Variants in RASGRP2 observed in about 807,000 individuals in gnomAD.
RASGRP2 encodes the protein RAS guanyl-releasing protein 2.
A neutral mutation model predicts 71.0 loss-of-function variants in RASGRP2; 44 were observed. That is an observed-to-expected ratio of 0.62 (90% CI 0.49 to 0.80). The LOEUF (loss-of-function observed/expected upper bound fraction) is 0.80, where lower values mean the gene tolerates loss of function less well. Among genes scored for constraint, RASGRP2 ranks in the 30% least tolerant of loss-of-function variants. The pLI, the probability that RASGRP2 is intolerant of heterozygous loss-of-function variation, is 0.00. For missense variants in RASGRP2, 663 were observed against 813.4 expected (o/e 0.82, Z 2.25); for synonymous variants, 350 against 330.7 (o/e 1.06, Z -0.63).
rs2058216082 is a variant in RASGRP2 at position 64,743,611 on chromosome 11, C to T, written c.-72+392G>A. On this transcript the variant is annotated intron_variant, in intron 1 of 16. Transcript: ENST00000394432. This position sits in a 1 kb window ranked among gnomAD's most constrained non-coding sequence, Gnocchi z 4.9. Reference sequence around the variant, plus strand: ...GAACTGAGCGCTCCCAGGCCACCTCCGCAAAGGTCCCAGGGGTCCCGGCTC... The same window carrying T: ...GAACTGAGCGCTCCCAGGCCACCTCTGCAAAGGTCCCAGGGGTCCCGGCTC... 5.1e-6 allele frequency: 2 copies of T among 395,922 alleles called. No homozygotes were observed. The highest frequency in any genetic ancestry group is 2.1e-5 in the African/African-American group (1 of 46,522). 24.5% of individuals were successfully genotyped at this position (395,922 alleles called of 1,614,324 possible). A position where few individuals can be genotyped will look rare whatever the true frequency, so the allele number is the denominator to read the frequency against.
chr11:64,737,271 G>A, intron 8 of RASGRP2: 1 of 568,270 alleles, frequency 1.8e-6, no homozygotes. Context: ...CCTGGATGCA[G>A]GGAATCATCA....
Position 64,735,431 on chromosome 11 carries a change from C to T in RASGRP2, c.1296+111G>A, listed in dbSNP as rs1032242975. 1 of 1,584,986 alleles carries T rather than the reference C, an allele frequency of 6.3e-7. No individual in the cohort carries two copies. The highest frequency in any genetic ancestry group is 8.6e-7 in the Non-Finnish European group (1 of 1,161,878). ...AGCTGGCCTGCCAGGCCCTGTGACT[C>T]CTAGGGGCTGAGTGCTGGGTCTTGA... On this transcript the variant is annotated intron_variant, in intron 11 of 16. Transcript: ENST00000394432. This position sits in a 1 kb window ranked among gnomAD's most constrained non-coding sequence, Gnocchi z 4.2.
rs764029199 is a variant in RASGRP2 at position 64,735,263 on chromosome 11, G to C, written c.1297-36C>G. On this transcript the variant is annotated intron_variant, in intron 11 of 16. Transcript: ENST00000394432. This position sits in a 1 kb window ranked among gnomAD's most constrained non-coding sequence, Gnocchi z 4.2. ...CAGAGGGACACGCAGAGCCAGAAGA[G>C]GGGAGAGTAAAGGGGACATCAGGTC... is the stretch of plus-strand genomic sequence containing the variant. 1.9e-6 allele frequency: 3 copies of C among 1,544,122 alleles called. No homozygotes were observed. Among genetic ancestry groups the C allele is most frequent in the South Asian group, 2.2e-5 (2 of 89,582 alleles).
At position 64,741,994 on chromosome 11, in the gene RASGRP2, G is replaced by A; in HGVS notation, c.176+16C>T. ...GCTCCGACGGCGGGGGCCTTGGCAA[G>A]GCCGGCGAAGGATATATGTGGAGCA... On this transcript the variant is annotated intron_variant, in intron 3 of 16. Transcript: ENST00000394432. 6.3e-7 allele frequency: 1 copy of A among 1,597,858 alleles called. No individual in the cohort carries two copies. Among genetic ancestry groups the A allele is most frequent in the Non-Finnish European group, 8.5e-7 (1 of 1,172,176 alleles).
Position 64,741,141 on chromosome 11 carries a change from G to A in RASGRP2, c.240-62C>T. 1.3e-6 allele frequency: 2 copies of A among 1,587,332 alleles called. 1 individual carries two copies. Among genetic ancestry groups the A allele is most frequent in the South Asian group, 2.3e-5 (2 of 88,662 alleles). On this transcript the variant is annotated intron_variant, in intron 4 of 16. Transcript: ENST00000394432. ...CCCACCATCACCCAGCAGGCTGCAA[G>A]GAGCTATTTGAGATTATAGTCACCT... is the stretch of plus-strand genomic sequence containing the variant.
At position 64,735,467 on chromosome 11, in the gene RASGRP2, C is replaced by T. The variant is rs191016351; in HGVS notation, c.1296+75G>A. On this transcript the variant is annotated intron_variant, in intron 11 of 16. Transcript: ENST00000394432. This position sits in a 1 kb window ranked among gnomAD's most constrained non-coding sequence, Gnocchi z 4.2. ...AGTGCTGGGTCTTGAACAGGACACT[C>T]GTGCTGGCTTCCAGGGCAGTGCTCC... is the stretch of plus-strand genomic sequence containing the variant. The T allele has an allele frequency of 6.6e-5, 106 of 1,607,926 alleles. 1 individual carries two copies. The South Asian group carries it at 8.9e-4, about 14-fold the overall frequency.
In RASGRP2 at chr11:64,730,161, G is replaced by T. The variant is rs1404749429; in HGVS notation, c.1446C>A (p.Ser482=). 6.4e-7 allele frequency: 1 copy of T among 1,551,656 alleles called. No homozygotes were observed. The highest frequency in any genetic ancestry group is 2.0e-5 in the Admixed American group (1 of 51,012). The change falls in exon 13 of 17, where the codon TCC becomes TCA. Residue 482 remains serine, a synonymous_variant. Coordinates refer to ENST00000394432, the MANE Select transcript of RASGRP2 (RefSeq NM_001098671.2). ...ACACAGAGCTGGAGCGCAGGAAATAGGAAACCATCTCCTCCCTGCTGATGC... is the reference window on the plus strand; with the variant it reads ...ACACAGAGCTGGAGCGCAGGAAATATGAAACCATCTCCTCCCTGCTGATGC... The part of the protein sequence containing the change: ...DGCISREEMV[S]YFLRSSSVLG...
At chr11:64,729,341 G>T (rs563844732) in intron 14 of RASGRP2, among the ~76,000 whole-genome samples, 326 of 14,098 alleles carry the variant, frequency 0.023, no homozygotes, top group African/African-American at 0.026. Context: ...GGGTTTTTTT[G>T]TTGTTTTTTT....
At chr11:64,728,798 G>A (rs536889882) in intron 15 of RASGRP2, 65 bp downstream of exon 15, 43 of 1,447,912 alleles carry the variant, frequency 3.0e-5, no homozygotes, top group Admixed American at 2.3e-4. Context: ...TCCATCCTGC[G>A]TTCTTTGCCC....
chr11:64,743,741 G>T lies in RASGRP2; in HGVS notation c.-72+262C>A. The T allele has an allele frequency of 3.1e-6, 1 of 318,134 alleles. No individual in the cohort carries two copies. The highest frequency in any genetic ancestry group is 6.1e-6 in the Non-Finnish European group (1 of 163,006). The allele number at this position is 318,134 out of a possible 1,614,324, so 19.7% of individuals were successfully genotyped here. On this transcript the variant is annotated intron_variant, in intron 1 of 16. Coordinates refer to ENST00000394432, the MANE Select transcript of RASGRP2 (RefSeq NM_001098671.2). The surrounding 1 kb of genome is among the most constrained non-coding windows in gnomAD (Gnocchi z 4.9). ...CGCACGGAGCAGGGTGTCCAGAGGGGGGCGCTCGCGCCAAGGGTGGCCGGT... is the reference window on the plus strand; with the variant it reads ...CGCACGGAGCAGGGTGTCCAGAGGGTGGCGCTCGCGCCAAGGGTGGCCGGT...
chr11:64,739,179 C>G lies in RASGRP2; in HGVS notation c.813+181G>C, dbSNP rs1029329158. On this transcript the variant is annotated intron_variant, in intron 8 of 16. Transcript: ENST00000394432. This position sits in a 1 kb window ranked among gnomAD's most constrained non-coding sequence, Gnocchi z 4.2. Reference sequence around the variant, plus strand: ...AAAGTACTAGCTTTGGGGTCCCTGACGACCTGTGAGCCCCCACTCTGCTGT... The same window carrying G: ...AAAGTACTAGCTTTGGGGTCCCTGAGGACCTGTGAGCCCCCACTCTGCTGT... Among the ~76,000 whole-genome samples, 1 of 151,724 alleles carries G rather than the reference C, an allele frequency of 6.6e-6. No homozygotes were observed. Among genetic ancestry groups the G allele is most frequent in the African/African-American group, 2.4e-5 (1 of 41,262 alleles).
In RASGRP2 at chr11:64,739,529, T is replaced by C; in HGVS notation, c.697-53A>G. On this transcript the variant is annotated intron_variant, in intron 7 of 16. Coordinates refer to ENST00000394432, the MANE Select transcript of RASGRP2 (RefSeq NM_001098671.2). The surrounding 1 kb of genome is among the most constrained non-coding windows in gnomAD (Gnocchi z 4.2). Reference sequence around the variant, plus strand: ...AGGGAGTCACTGAGTGGGCCCAGAATTTGGCCCAGCTTATCTAGAGAGAAG... The same window carrying C: ...AGGGAGTCACTGAGTGGGCCCAGAACTTGGCCCAGCTTATCTAGAGAGAAG... The C allele has an allele frequency of 6.2e-7, 1 of 1,606,844 alleles. No homozygotes were observed. Among genetic ancestry groups the C allele is most frequent in the Non-Finnish European group, 8.5e-7 (1 of 1,173,536 alleles).
Position 64,735,350 on chromosome 11 carries a change from C to A in RASGRP2, c.1297-123G>T. ...TGTGTCTCAGAGAGGTCTCTGACACCACCCCCGTTCCATACCTCCACCCCC... is the reference window on the plus strand; with the variant it reads ...TGTGTCTCAGAGAGGTCTCTGACACAACCCCCGTTCCATACCTCCACCCCC... On this transcript the variant is annotated intron_variant, in intron 11 of 16. Coordinates refer to ENST00000394432, the MANE Select transcript of RASGRP2 (RefSeq NM_001098671.2). The surrounding 1 kb of genome is among the most constrained non-coding windows in gnomAD (Gnocchi z 4.2). The A allele has an allele frequency of 1.6e-6, 2 of 1,265,744 alleles. No homozygotes were observed. The highest frequency in any genetic ancestry group is 4.8e-5 in the East Asian group (2 of 41,818). 78.4% of individuals were successfully genotyped at this position (1,265,744 alleles called of 1,614,324 possible). A position where few individuals can be genotyped will look rare whatever the true frequency, so the allele number is the denominator to read the frequency against.
In RASGRP2 at chr11:64,740,945, C is replaced by T. The variant is rs567221134; in HGVS notation, c.371+3G>A. 2 of 1,614,018 alleles carry T rather than the reference C, an allele frequency of 1.2e-6. No homozygotes were observed. Among genetic ancestry groups the T allele is most frequent in the East Asian group, 4.5e-5 (2 of 44,878 alleles). On this transcript the variant is annotated splice_donor_region_variant and intron_variant, in intron 5 of 16. Transcript: ENST00000394432. ...CCCAGCCCTCTGTGCTCCCCCCACGCACACGCTGTCTATGTCGATTAGGCT... is the reference window on the plus strand; with the variant it reads ...CCCAGCCCTCTGTGCTCCCCCCACGTACACGCTGTCTATGTCGATTAGGCT...
intron 4 of RASGRP2, 137 bp from the exon 5 acceptor site, chr11:64,741,216 C>A: frequency 8.2e-7 from 1 of 1,219,508 alleles, no homozygotes; most frequent in Non-Finnish European, 1.2e-6. Flanking sequence ...TTCGCCACTC[C>A]AAGTGTACAT....
At chr11:64,728,448 G>C (rs2057645231) in intron 15 of RASGRP2, among the ~76,000 whole-genome samples, 1 of 149,562 alleles carries the variant, frequency 6.7e-6, no homozygotes, top group Non-Finnish European at 1.5e-5. Flanking sequence ...TTTTTTCTGA[G>C]ACGGAGTCTT....
chr11:64,729,716 A>ACC (rs200202841), intron 14 of RASGRP2, 46 bp downstream of exon 14: 18 of 1,365,686 alleles, frequency 1.3e-5, no homozygotes, highest in Non-Finnish European at 1.5e-5. Flanking sequence ...AAACAAACAA[A>ACC]AAAAAAAAAC....
intron 8 of RASGRP2, among the ~76,000 whole-genome samples, chr11:64,738,228 A>C (rs1220073568): frequency 6.6e-6 from 1 of 152,192 alleles, no homozygotes; most frequent in Non-Finnish European, 1.5e-5. Context: ...AAAACAGACA[A>C]CAAAAAGCCC....
chr11:64,727,429 C>T (rs536469184), intron 15 of RASGRP2, 69 bp from the exon 16 acceptor site: 1 of 1,448,324 alleles, frequency 6.9e-7, no homozygotes, highest in East Asian at 2.3e-5. Context: ...CTTCCCCTCT[C>T]CACGGGAGGC....
Sources: allele counts gnomAD v4.1 joint callset (sites outside exome capture counted in the v4.1 genomes callset), GRCh38; gene constraint gnomAD v4.1.1; non-coding constraint Gnocchi (gnomAD v3.1); transcripts MANE v1.5; gene names NCBI Gene and HGNC (gene_info 2026-07-23, HGNC 2026-07-21).